The following SDK1 variants were observed in gnomAD, a reference collection of about 807,000 sequenced individuals.
SDK1 encodes sidekick cell adhesion molecule 1, also known as protein sidekick-1.
A neutral mutation model predicts 245.5 loss-of-function variants in SDK1; 157 were observed. The ratio of observed to expected loss-of-function variants is 0.64; its 90% CI spans 0.56 to 0.73. The LOEUF (loss-of-function observed/expected upper bound fraction) is 0.73, where lower values mean the gene tolerates loss of function less well. Ranked by LOEUF, SDK1 falls within the 30% of genes least tolerant of loss-of-function variation. The pLI is 0.00. For synonymous variants in SDK1, 1,647 were observed against 1,278.5 expected (o/e 1.29, Z -6.15); for missense variants, 3,583 against 3,002.3 (o/e 1.19, Z -4.52).
chr7:3,415,558 T>C (rs1779339296), intron 1 of SDK1, among the ~76,000 whole-genome samples: 2 of 152,126 alleles, frequency 1.3e-5, no homozygotes, highest in Non-Finnish European at 2.9e-5. Context: ...TAATACTATG[T>C]ATTGCTCATA....
chr7:3,888,764 T>C (rs553930155), intron 5 of SDK1, among the ~76,000 whole-genome samples: 5 of 152,332 alleles, frequency 3.3e-5, no homozygotes, highest in Non-Finnish European at 5.9e-5. Context: ...TTCAGACATA[T>C]TGTGAGAAGC....
At chr7:3,489,792 T>A (rs750304749) in intron 1 of SDK1, among the ~76,000 whole-genome samples, 2 of 152,264 alleles carry the variant, frequency 1.3e-5, no homozygotes, top group Non-Finnish European at 2.9e-5. Context: ...TAAAATTTGA[T>A]CACAAAGTAT....
chr7:3,684,936 C>G (rs1020957911), intron 4 of SDK1, among the ~76,000 whole-genome samples: 2 of 152,072 alleles, frequency 1.3e-5, no homozygotes, highest in South Asian at 4.1e-4. Context: ...TGTAGCCAAT[C>G]TGAACAACTA....
chr7:4,040,611 G>C (rs543543634), intron 17 of SDK1, among the ~76,000 whole-genome samples: 1 of 152,154 alleles, frequency 6.6e-6, no homozygotes, highest in Non-Finnish European at 1.5e-5. Context: ...TTACAGATGA[G>C]CTGGAGGAGG....
At chr7:3,809,695 C>G (rs1226516746) in intron 4 of SDK1, among the ~76,000 whole-genome samples, 2 of 152,204 alleles carry the variant, frequency 1.3e-5, no homozygotes, top group Non-Finnish European at 2.9e-5. Context: ...CCTCTGCTTC[C>G]TAGCGGCTGC....
At chr7:4,202,166 G>A (rs564726264) in intron 35 of SDK1, among the ~76,000 whole-genome samples, 2 of 152,226 alleles carry the variant, frequency 1.3e-5, no homozygotes, top group Non-Finnish European at 1.5e-5. Context: ...GCCTGGCACC[G>A]TGATTATTGT....
chr7:3,975,696 C>G (rs571327745), intron 13 of SDK1, among the ~76,000 whole-genome samples: 6 of 152,362 alleles, frequency 3.9e-5, no homozygotes, highest in African/African-American at 1.4e-4. Flanking sequence ...GTGTAGCAGT[C>G]AGTCCGGAAG....
chr7:3,845,022 C>T (rs914541938), intron 5 of SDK1, among the ~76,000 whole-genome samples: 7 of 152,244 alleles, frequency 4.6e-5, no homozygotes, highest in Admixed American at 1.3e-4. Context: ...GAAAAATCTA[C>T]GCTTAACTAC....
In SDK1 at chr7:3,642,116, C is replaced by T. The variant is rs1166946512; in HGVS notation, c.713+11C>T. On this transcript the variant is annotated intron_variant, in intron 4 of 44. Transcript: ENST00000404826. ...TCCAAGCAACAGAATGTAAGTTGCT[C>T]CAAACGTTAAAGCTTCAAATACAAT... is the stretch of plus-strand genomic sequence containing the variant. 1 of 1,612,922 alleles carries T rather than the reference C, an allele frequency of 6.2e-7. No homozygotes were observed. The highest frequency in any genetic ancestry group is 1.7e-5 in the Admixed American group (1 of 59,968).
chr7:4,220,406 T>A, intron 39 of SDK1, 136 bp downstream of exon 39: 1 of 902,348 alleles, frequency 1.1e-6, no homozygotes, highest in Non-Finnish European at 1.6e-6. Flanking sequence ...CTCGGGGATG[T>A]CTGGGCAACA....
chr7:4,188,572 T>G (rs1783017750), intron 35 of SDK1, among the ~76,000 whole-genome samples: 1 of 152,032 alleles, frequency 6.6e-6, no homozygotes. Flanking sequence ...TGCTCAAACC[T>G]CCATATCTGA....
chr7:4,130,269 A>T lies in SDK1; in HGVS notation c.4129+172A>T, dbSNP rs1425385080. On this transcript the variant is annotated intron_variant, in intron 27 of 44. Coordinates refer to ENST00000404826, the MANE Select transcript of SDK1 (RefSeq NM_152744.4). ...CAGTCACTGAGCACTTATATGGCCA[A>T]TTTCAGCCTGGAGTGGATTTTTACA... The T allele has an allele frequency of 4.4e-6, 3 of 674,652 alleles. No homozygotes were observed. The African/African-American group carries it at 5.5e-5, about 12-fold the overall frequency. The allele number at this position is 674,652 out of a possible 1,614,324, so 41.8% of individuals were successfully genotyped here.
chr7:4,210,509 G>A (rs1322849782), intron 38 of SDK1, among the ~76,000 whole-genome samples: 1 of 152,128 alleles, frequency 6.6e-6, no homozygotes, highest in South Asian at 2.1e-4. Context: ...TTGTCCTGTG[G>A]TCGCCGACAG....
rs763671533 is a variant in SDK1 at position 3,619,188 on chromosome 7, T to G, written c.407T>G (p.Phe136Cys). Residue 136 changes from phenylalanine (F) to cysteine (C), a missense_variant, in exon 2 of 45, where the codon TTC (phenylalanine) becomes TGC (cysteine). Physicochemically the swap from Phe to Cys is radical, Grantham distance 205. Transcript: ENST00000404826. Reference protein sequence around the residue: ...CLAEGSWPLEFKWMRDDSELT... With the variant: ...CLAEGSWPLECKWMRDDSELT... The stretch of plus-strand genomic sequence containing the variant: ...GCCGAAGGGAGCTGGCCTTTGGAGT[T>G]CAAGTGGATGCGCGATGACAGTGAG... 3 of 1,613,832 alleles carry G rather than the reference T, an allele frequency of 1.9e-6. No individual in the cohort carries two copies. Among genetic ancestry groups the G allele is most frequent in the Non-Finnish European group, 2.5e-6 (3 of 1,179,860 alleles).
chr7:3,554,856 C>G (rs1324835759), intron 1 of SDK1, among the ~76,000 whole-genome samples: 1 of 151,990 alleles, frequency 6.6e-6, no homozygotes, highest in Admixed American at 6.6e-5. Context: ...CAAAAAAATA[C>G]TAGGAATTAA....
intron 32 of SDK1, among the ~76,000 whole-genome samples, chr7:4,171,964 G>A (rs1021010722): frequency 2.6e-5 from 4 of 152,212 alleles, no homozygotes; most frequent in African/African-American, 9.6e-5. Flanking sequence ...AGCTCTCTCA[G>A]CCCCTGGGTT....
chr7:3,739,788 T>C (rs1416589236), intron 4 of SDK1, among the ~76,000 whole-genome samples: 6 of 152,176 alleles, frequency 3.9e-5, no homozygotes, highest in Non-Finnish European at 7.4e-5. Context: ...TTGCTTTTTT[T>C]CCCCCGTGTA....
chr7:3,401,461 A>T (rs779492273), intron 1 of SDK1, among the ~76,000 whole-genome samples: 1 of 152,174 alleles, frequency 6.6e-6, no homozygotes, highest in Non-Finnish European at 1.5e-5. Context: ...TGTAGAGTCA[A>T]ATGGTACTTG....
At position 3,676,657 on chromosome 7, in the gene SDK1, T is replaced by C. The variant is rs375748162; in HGVS notation, c.713+34552T>C. Among the ~76,000 whole-genome samples, 4 of 152,332 alleles carry C rather than the reference T, an allele frequency of 2.6e-5. No homozygotes were observed. The East Asian group carries it at 5.8e-4, about 22-fold the overall frequency. On this transcript the variant is annotated intron_variant, in intron 4 of 44. Transcript: ENST00000404826. ...AATATTTTTTAAGCTTGAGGTCTTA[T>C]ATTTAAGTCTTTAAACCATCTTGAG...
Sources: gnomAD v4.1 joint callset for allele counts (sites outside exome capture counted in the v4.1 genomes callset) on GRCh38, gnomAD v4.1.1 for gene constraint, MANE v1.5 for transcripts, NCBI Gene and HGNC (gene_info 2026-07-23, HGNC 2026-07-21) for gene names.